EYA4: variants seen among roughly 807,000 people sequenced by gnomAD.
EYA4 encodes the protein protein phosphatase EYA4.
A neutral mutation model predicts 87.9 loss-of-function variants in EYA4; 31 were observed. That is an observed-to-expected ratio of 0.35 (90% CI 0.27 to 0.48). The LOEUF is 0.48. EYA4 is among the 20% of genes least tolerant of loss of function. The probability of loss-of-function intolerance (pLI) is 0.99; values close to 1 mark genes in which losing one functional copy is unlikely to be tolerated. For synonymous variants in EYA4, 263 were observed against 270.6 expected, an observed-to-expected ratio of 0.97 and a Z score of 0.28; for missense variants, 678 against 761.4, an observed-to-expected ratio of 0.89 and a Z score of 1.29.
At chr6:133,396,384 G>C (rs1400977158) in intron 3 of EYA4, among the ~76,000 whole-genome samples, 1 of 152,156 alleles carries the variant, frequency 6.6e-6, no homozygotes, top group Admixed American at 6.5e-5. Context: ...GGGGATGTTA[G>C]AGATCATGCT....
chr6:133,515,103 C>G (rs1583527454), intron 16 of EYA4, among the ~76,000 whole-genome samples: 1 of 152,280 alleles, frequency 6.6e-6, no homozygotes. Flanking sequence ...TTCAGTGGCA[C>G]TACCTGAGAC....
chr6:133,262,794 A>G (rs1282041859), intron 1 of EYA4, among the ~76,000 whole-genome samples: 2 of 152,234 alleles, frequency 1.3e-5, no homozygotes, highest in African/African-American at 4.8e-5. Context: ...TTCTATCTTT[A>G]TAGACAGCTC....
At position 133,528,822 on chromosome 6, in the gene EYA4, G is replaced by A. The variant is rs767270382; in HGVS notation, c.*17G>A. 6 of 1,613,024 alleles carry A rather than the reference G, an allele frequency of 3.7e-6. No individual in the cohort carries two copies. In the African/African-American group the frequency reaches 6.7e-5, roughly 18 times the overall value. ...TATTTGTAACTGTGTTCTTTAGCCG[G>A]AGATCCATTTTTTATATTTCAAGTA... On this transcript the variant is annotated 3_prime_UTR_variant, in exon 20 of 20. Transcript: ENST00000355286.
chr6:133,280,619 A>G (rs1430363207), intron 2 of EYA4, among the ~76,000 whole-genome samples: 2 of 152,056 alleles, frequency 1.3e-5, no homozygotes, highest in South Asian at 2.1e-4. Context: ...GATGGTCTCA[A>G]TCTCCTGACC....
rs1433226018 is a variant in EYA4 at position 133,308,032 on chromosome 6, T to C, written c.33+33219T>C. 6.6e-5 allele frequency among the ~76,000 whole-genome samples: 10 copies of C among 152,170 alleles called. No homozygotes were observed. The East Asian group carries it at 1.9e-3, about 29-fold the overall frequency. On this transcript the variant is annotated intron_variant, in intron 2 of 19. Transcript: ENST00000355286. ...ATAAAGGGCAGTTCCCCTGCACACGTTCTCTTGCCTGCTGCCATGTAAGAT... is the reference window on the plus strand; with the variant it reads ...ATAAAGGGCAGTTCCCCTGCACACGCTCTCTTGCCTGCTGCCATGTAAGAT...
At chr6:133,495,419 T>A (rs1430819544) in intron 13 of EYA4, among the ~76,000 whole-genome samples, 1 of 148,468 alleles carries the variant, frequency 6.7e-6, no homozygotes, top group Non-Finnish European at 1.5e-5. Flanking sequence ...AAGAAATATA[T>A]TCATTTATTT....
At chr6:133,280,623 C>T (rs1227984539) in intron 2 of EYA4, among the ~76,000 whole-genome samples, 1 of 152,060 alleles carries the variant, frequency 6.6e-6, no homozygotes, top group Non-Finnish European at 1.5e-5. Context: ...GTCTCAATCT[C>T]CTGACCTCAT....
chr6:133,443,802 T>C (rs1242020174), intron 3 of EYA4, among the ~76,000 whole-genome samples: 1 of 152,176 alleles, frequency 6.6e-6, no homozygotes, highest in Non-Finnish European at 1.5e-5. Flanking sequence ...GTGTAGTGTT[T>C]AATTTTCAAA....
Position 133,529,719 on chromosome 6 carries a change from G to A in EYA4, c.*914G>A, listed in dbSNP as rs1023820022. ...ATAATTGTATGAGGCAACTATTTGCGCATCCAACCATGAGTGGAAGGTTTG... is the reference window on the plus strand; with the variant it reads ...ATAATTGTATGAGGCAACTATTTGCACATCCAACCATGAGTGGAAGGTTTG... On this transcript the variant is annotated 3_prime_UTR_variant, in exon 20 of 20. Coordinates refer to ENST00000355286, the MANE Select transcript of EYA4 (RefSeq NM_004100.5). 1.7e-5 allele frequency: 17 copies of A among 984,552 alleles called. No homozygotes were observed. The Middle Eastern group carries it at 2.1e-3, about 120-fold the overall frequency. The allele number at this position is 984,552 out of a possible 1,614,324, so 61.0% of individuals were successfully genotyped here. A position where few individuals can be genotyped will look rare whatever the true frequency, so the allele number is the denominator to read the frequency against.
intron 2 of EYA4, among the ~76,000 whole-genome samples, chr6:133,316,263 T>C (rs1250169178): frequency 6.6e-6 from 1 of 152,112 alleles, no homozygotes; most frequent in Non-Finnish European, 1.5e-5. Flanking sequence ...GTGCTGATGA[T>C]CATAGAAAAA....
chr6:133,326,552 G>A (rs1781512100), intron 2 of EYA4, among the ~76,000 whole-genome samples: 1 of 152,214 alleles, frequency 6.6e-6, no homozygotes, highest in Admixed American at 6.5e-5. Flanking sequence ...TGTTATTGGT[G>A]TGGACCAATT....
At chr6:133,414,273 T>G (rs1281660554) in intron 3 of EYA4, among the ~76,000 whole-genome samples, 1 of 152,204 alleles carries the variant, frequency 6.6e-6, no homozygotes, top group Non-Finnish European at 1.5e-5. Context: ...CCTACATTTC[T>G]TTGTCTAGCT....
At chr6:133,501,555 T>A (rs913483148) in intron 13 of EYA4, among the ~76,000 whole-genome samples, 1 of 152,196 alleles carries the variant, frequency 6.6e-6, no homozygotes, top group African/African-American at 2.4e-5. Context: ...AATTTCATTT[T>A]ATCTCTTATG....
chr6:133,300,705 G>A (rs1779338970), intron 2 of EYA4, among the ~76,000 whole-genome samples: 2 of 152,068 alleles, frequency 1.3e-5, no homozygotes, highest in African/African-American at 4.8e-5. Context: ...AGTAGAGACA[G>A]GGTTTCACCA....
intron 13 of EYA4, among the ~76,000 whole-genome samples, chr6:133,486,354 A>G (rs547941935): frequency 2.0e-5 from 3 of 150,644 alleles, no homozygotes; most frequent in African/African-American, 5.0e-5. Context: ...TTATGAAGCT[A>G]TGGACCACAG....
chr6:133,443,340 A>G (rs540464257), intron 3 of EYA4, among the ~76,000 whole-genome samples: 25 of 152,114 alleles, frequency 1.6e-4, no homozygotes, highest in African/African-American at 5.8e-4. Context: ...TAGATTTTCT[A>G]TGTTAATTGG....
chr6:133,392,955 C>A (rs1457486996), intron 3 of EYA4, among the ~76,000 whole-genome samples: 1 of 152,106 alleles, frequency 6.6e-6, no homozygotes, highest in Non-Finnish European at 1.5e-5. Flanking sequence ...AGAGTAATTC[C>A]TCATGTAAAG....
At chr6:133,367,231 T>C (rs1213758896) in intron 2 of EYA4, among the ~76,000 whole-genome samples, 1 of 152,170 alleles carries the variant, frequency 6.6e-6, no homozygotes, top group Non-Finnish European at 1.5e-5. Flanking sequence ...TCAGACTTTT[T>C]GTGATTCTTG....
chr6:133,502,243 TC>T (rs1279733061), intron 13 of EYA4: 2 of 152,118 alleles, frequency 1.3e-5, no homozygotes, highest in Non-Finnish European at 2.9e-5. Context: ...TATCAGAACT[TC>T]CACAAAACCC....
Sources: allele counts gnomAD v4.1 joint callset (sites outside exome capture counted in the v4.1 genomes callset), GRCh38; gene constraint gnomAD v4.1.1; transcripts MANE v1.5; gene names NCBI Gene and HGNC (gene_info 2026-07-23, HGNC 2026-07-21).